Variants in RGP1 observed in about 807,000 individuals in gnomAD.
RGP1 encodes the protein RAB6A-GEF complex partner protein 2.
A neutral mutation model predicts 44.5 loss-of-function variants in RGP1; 28 were observed. The ratio of observed to expected loss-of-function variants is 0.63; its 90% CI spans 0.47 to 0.86. The LOEUF (loss-of-function observed/expected upper bound fraction) is 0.86, where lower values mean the gene tolerates loss of function less well. Ranked by LOEUF, RGP1 falls within the 40% of genes least tolerant of loss-of-function variation. The pLI is 0.00. For missense variants in RGP1, 417 were observed against 490.7 expected (o/e 0.85, Z 1.42); for synonymous variants, 212 against 196.7 (o/e 1.08, Z -0.65).
At chr9:35,768,237 T>G in the RGP1 span, among the ~76,000 whole-genome samples, 1 of 152,022 alleles carries the variant, frequency 6.6e-6, no homozygotes, top group East Asian at 1.9e-4. Context: ...AATTTTTGTG[T>G]TTTTTGTAGA....
At chr9:35,776,161 AATT>A in the RGP1 span, among the ~76,000 whole-genome samples, 1 of 152,128 alleles carries the variant, frequency 6.6e-6, no homozygotes, top group Non-Finnish European at 1.5e-5. Context: ...GCTGGCATCA[AATT>A]ACTCCTCTGT....
chr9:35,749,776 G>A lies in RGP1; in HGVS notation c.21G>A (p.Glu7=). 1 of 1,613,644 alleles carries A rather than the reference G, an allele frequency of 6.2e-7. No individual in the cohort carries two copies. Among genetic ancestry groups the A allele is most frequent in the African/African-American group, 1.3e-5 (1 of 75,050 alleles). ...CTGCCATGATTGAAGTGGTAGCAGAGCTCAGCCGGGGTCCTGTATTTTTGG... is the reference window on the plus strand; with the variant it reads ...CTGCCATGATTGAAGTGGTAGCAGAACTCAGCCGGGGTCCTGTATTTTTGG... MIEVVA[E]LSRGPVFLAG... Residue 7 remains glutamate, a synonymous_variant, in exon 2 of 9, where the codon GAG becomes GAA. Transcript: ENST00000378078. The surrounding 1 kb of genome is among the most constrained non-coding windows in gnomAD (Gnocchi z 4.4).
Position 35,754,087 on chromosome 9 carries a change from G to T in RGP1, c.*1213G>T. ...AAGCAGATGATCCCCCAGCCTCCTA[G>T]GATCCCCTTGGCCTGTCCAGCCCAG... On this transcript the variant is annotated 3_prime_UTR_variant, in exon 9 of 9. Transcript: ENST00000378078. 2 of 1,613,510 alleles carry T rather than the reference G, an allele frequency of 1.2e-6. No homozygotes were observed. The highest frequency in any genetic ancestry group is 1.7e-6 in the Non-Finnish European group (2 of 1,179,668).
At chr9:35,752,606 C>T in intron 8 of RGP1, 45 bp from the exon 9 acceptor site, 1 of 1,468,860 alleles carries the variant, frequency 6.8e-7, no homozygotes, top group East Asian at 2.4e-5. Flanking sequence ...GGCTTTTACT[C>T]CTGCTAGCTT....
the RGP1 span, among the ~76,000 whole-genome samples, chr9:35,776,521 A>C: frequency 6.6e-6 from 1 of 151,862 alleles, no homozygotes; most frequent in Non-Finnish European, 1.5e-5. Context: ...TCCTAACCTC[A>C]GGTGATCTAC....
intron 2 of RGP1, 39 bp from the exon 3 acceptor site, chr9:35,750,204 A>G (rs753706717): frequency 6.3e-7 from 1 of 1,599,174 alleles, no homozygotes; most frequent in Non-Finnish European, 8.5e-7. Context: ...TTGTGAGGTC[A>G]GGAACTACCT....
Position 35,751,312 on chromosome 9 carries a change from C to T in RGP1, c.534C>T (p.Ser178=), listed in dbSNP as rs368466469. ...CCCAGGATGAGGCTGTAGCCCCATC[C>T]AGTCCATTCTTGGAGGAGGATGAAG... The part of the protein sequence containing the change: ...RFPQDEAVAP[S]SPFLEEDEGG... Residue 178 remains serine (S), a synonymous_variant, in exon 6 of 9, where the codon TCC becomes TCT. Coordinates refer to ENST00000378078, the MANE Select transcript of RGP1 (RefSeq NM_001080496.3). The T allele has an allele frequency of 1.3e-5, 21 of 1,613,898 alleles. No individual in the cohort carries two copies. The highest frequency in any genetic ancestry group is 3.3e-5 in the South Asian group (3 of 91,090).
chr9:35,776,301 T>A, the RGP1 span, among the ~76,000 whole-genome samples: 2 of 152,182 alleles, frequency 1.3e-5, no homozygotes, highest in South Asian at 4.2e-4. Context: ...TTCTTTTTTT[T>A]TTTTAGATGG....
rs1310319429 is a variant in RGP1, at chr9:35,749,420, CGGT to C, written c.-20+14_-20+16del. 1 of 570,560 alleles carries C rather than the reference CGGT, an allele frequency of 1.8e-6. No homozygotes were observed. The highest frequency in any genetic ancestry group is 3.5e-6 in the Non-Finnish European group (1 of 283,974). 35.3% of individuals were successfully genotyped at this position (570,560 alleles called of 1,614,324 possible). The stretch of plus-strand genomic sequence containing the variant: ...GTCGACTATGCGAGGTGACTAGCGG[CGGT>C]GATCTTGGGCTGGGACGTGGAACTT... On this transcript the variant is annotated intron_variant, in intron 1 of 8. Coordinates refer to ENST00000378078, the MANE Select transcript of RGP1 (RefSeq NM_001080496.3). This position sits in a 1 kb window ranked among gnomAD's most constrained non-coding sequence, Gnocchi z 4.4.
downstream of RGP1, among the ~76,000 whole-genome samples, chr9:35,759,163 T>C (rs370919365): frequency 1.4e-4 from 22 of 152,340 alleles, no homozygotes; most frequent in East Asian, 4.0e-3. Flanking sequence ...AAGCATAAAG[T>C]GGCCATTATT....
At chr9:35,763,739 G>A in the RGP1 span, among the ~76,000 whole-genome samples, 5 of 151,842 alleles carry the variant, frequency 3.3e-5, no homozygotes, top group East Asian at 1.9e-4. Context: ...AAAATTAGCC[G>A]AGTGTGGTGG....
the RGP1 span, chr9:35,772,409 A>G: frequency 6.6e-6 from 1 of 152,344 alleles, no homozygotes; most frequent in African/African-American, 2.4e-5. Flanking sequence ...AGTAACATCA[A>G]ATGTGACTGA....
chr9:35,785,421 T>C, the RGP1 span, among the ~76,000 whole-genome samples: 7 of 74,360 alleles, frequency 9.4e-5, no homozygotes, highest in Non-Finnish European at 4.8e-5. Flanking sequence ...GCAGCTGGGC[T>C]TTTTTTTTTT....
chr9:35,761,513 A>C (rs1056273262), downstream of RGP1, among the ~76,000 whole-genome samples: 2 of 152,180 alleles, frequency 1.3e-5, no homozygotes, highest in Non-Finnish European at 2.9e-5. Flanking sequence ...TCTACAAAAA[A>C]GAATACAGAA....
intron 7 of RGP1, 50 bp downstream of exon 7, chr9:35,751,804 G>A (rs761732681): frequency 3.7e-6 from 6 of 1,611,970 alleles, no homozygotes; most frequent in Non-Finnish European, 5.1e-6. Flanking sequence ...GGGTTGAAGG[G>A]CTAGGGTGGA....
chr9:35,749,967 C>T lies in RGP1; in HGVS notation c.116+96C>T. The T allele has an allele frequency of 6.1e-6, 6 of 984,932 alleles. No individual in the cohort carries two copies. The South Asian group carries it at 8.8e-5, about 14-fold the overall frequency. 61.0% of individuals were successfully genotyped at this position (984,932 alleles called of 1,614,324 possible). A position where few individuals can be genotyped will look rare whatever the true frequency, so the allele number is the denominator to read the frequency against. On this transcript the variant is annotated intron_variant, in intron 2 of 8. Transcript: ENST00000378078. This position sits in a 1 kb window ranked among gnomAD's most constrained non-coding sequence, Gnocchi z 4.4. ...AGCTCAGGTTGTCCTGTAGCGACAC[C>T]ACCTCCTCTTGCTCACTGTGCTGTC...
the RGP1 span, chr9:35,790,310 C>T: frequency 6.5e-6 from 1 of 153,770 alleles, no homozygotes; most frequent in African/African-American, 2.4e-5. Context: ...GCCTCTGTGC[C>T]CCAGGGATTG....
the RGP1 span, among the ~76,000 whole-genome samples, chr9:35,773,646 C>A: frequency 6.6e-6 from 1 of 151,904 alleles, no homozygotes; most frequent in South Asian, 2.1e-4. Flanking sequence ...TGACTACAGG[C>A]GCATGCCACT....
chr9:35,768,674 CA>C, the RGP1 span, among the ~76,000 whole-genome samples: 1 of 152,124 alleles, frequency 6.6e-6, no homozygotes, highest in Non-Finnish European at 1.5e-5. Context: ...AAGCAGCAAA[CA>C]GGGGCAAAGG....
Sources: gnomAD v4.1 joint callset for allele counts (sites outside exome capture counted in the v4.1 genomes callset) on GRCh38, gnomAD v4.1.1 for gene constraint, Gnocchi (gnomAD v3.1) non-coding constraint, MANE v1.5 for transcripts, NCBI Gene and HGNC (gene_info 2026-07-23, HGNC 2026-07-21) for gene names.